HS3ST4: variants seen among roughly 807,000 people sequenced by gnomAD.
HS3ST4 encodes the protein heparan sulfate glucosamine 3-O-sulfotransferase 4.
In HS3ST4, 17 loss-of-function variants were observed where a neutral mutation model predicts 29.2. The observed-to-expected ratio is 0.58, with a 90% CI of 0.40 to 0.87. The LOEUF (loss-of-function observed/expected upper bound fraction) is 0.87. HS3ST4 is among the 40% of genes least tolerant of loss of function. HS3ST4 has a pLI of 0.00. For missense variants in HS3ST4, 627 were observed against 634.5 expected (o/e 0.99, Z 0.13); for synonymous variants, 314 against 285.7 (o/e 1.10, Z -1.00).
chr16:26,116,238 C>A (rs555516956), intron 1 of HS3ST4, among the ~76,000 whole-genome samples: 19 of 152,306 alleles, frequency 1.2e-4, no homozygotes, highest in African/African-American at 4.3e-4. Context: ...GTGAACCTCT[C>A]TATAGGGTGA....
intron 1 of HS3ST4, among the ~76,000 whole-genome samples, chr16:25,793,617 G>A (rs1015514675): frequency 2.3e-4 from 35 of 151,832 alleles, no homozygotes; most frequent in African/African-American, 8.2e-4. Flanking sequence ...TTTCTTCAGC[G>A]TTTGCAAGGT....
intron 1 of HS3ST4, among the ~76,000 whole-genome samples, chr16:26,017,447 G>A (rs900339002): frequency 7.9e-5 from 12 of 152,162 alleles, no homozygotes; most frequent in Non-Finnish European, 1.2e-4. Flanking sequence ...TTACATGAAA[G>A]CAATGAGCTA....
chr16:25,962,675 T>G (rs1185183537), intron 1 of HS3ST4, among the ~76,000 whole-genome samples: 1 of 152,168 alleles, frequency 6.6e-6, no homozygotes, highest in Non-Finnish European at 1.5e-5. Flanking sequence ...AGCCTTGAAG[T>G]CCAGCCTTGA....
intron 1 of HS3ST4, among the ~76,000 whole-genome samples, chr16:25,778,326 T>C (rs558115683): frequency 6.6e-6 from 1 of 152,238 alleles, no homozygotes; most frequent in African/African-American, 2.4e-5. Flanking sequence ...TTTGCAACAA[T>C]CCAGTGCCTC....
At chr16:26,063,660 C>T (rs1470792261) in intron 1 of HS3ST4, among the ~76,000 whole-genome samples, 1 of 152,102 alleles carries the variant, frequency 6.6e-6, no homozygotes, top group Non-Finnish European at 1.5e-5. Context: ...TGCACCACTG[C>T]ACTCCAGCCT....
At chr16:25,943,878 C>T (rs1048954282) in intron 1 of HS3ST4, among the ~76,000 whole-genome samples, 3 of 152,130 alleles carry the variant, frequency 2.0e-5, no homozygotes, top group Non-Finnish European at 4.4e-5. Context: ...TTATCCTTAT[C>T]TGCTTGGCAT....
intron 1 of HS3ST4, among the ~76,000 whole-genome samples, chr16:26,120,129 T>C (rs2141809612): frequency 6.6e-6 from 1 of 152,042 alleles, no homozygotes; most frequent in Non-Finnish European, 1.5e-5. Context: ...GGAATTAGCA[T>C]GCATGAATGC....
intron 1 of HS3ST4, among the ~76,000 whole-genome samples, chr16:26,042,918 T>A (rs1969648196): frequency 6.6e-6 from 1 of 152,218 alleles, no homozygotes; most frequent in Non-Finnish European, 1.5e-5. Context: ...CATTTTACAC[T>A]ATAAATCCCT....
chr16:25,709,551 C>T (rs1007008169), intron 1 of HS3ST4, among the ~76,000 whole-genome samples: 1 of 152,138 alleles, frequency 6.6e-6, no homozygotes, highest in Admixed American at 6.5e-5. Context: ...AGTGAGGTTC[C>T]ACCGGCTTGC....
chr16:26,089,185 C>T (rs2141788055), intron 1 of HS3ST4, among the ~76,000 whole-genome samples: 1 of 152,334 alleles, frequency 6.6e-6, no homozygotes, highest in Admixed American at 6.5e-5. Context: ...CAGAACCCCT[C>T]AGCACCTCAC....
At chr16:26,094,132 G>A (rs189881488) in intron 1 of HS3ST4, among the ~76,000 whole-genome samples, 114 of 152,284 alleles carry the variant, frequency 7.5e-4, no homozygotes, top group African/African-American at 2.6e-3. Flanking sequence ...CCAAATCTAC[G>A]TTTGATTGGT....
intron 1 of HS3ST4, among the ~76,000 whole-genome samples, chr16:25,899,504 AT>A (rs34366620): frequency 0.67 from 100,371 of 150,362 alleles, 33,837 homozygotes; most frequent in Non-Finnish European, 0.73. Flanking sequence ...TCCTTTTTAA[AT>A]TTTTTTTTTT....
At chr16:25,835,287 G>C (rs573414060) in intron 1 of HS3ST4, among the ~76,000 whole-genome samples, 1 of 152,254 alleles carries the variant, frequency 6.6e-6, no homozygotes, top group South Asian at 2.1e-4. Context: ...AACATCCCCT[G>C]CTAGAGGAAT....
chr16:25,879,085 C>G (rs914793771), intron 1 of HS3ST4, among the ~76,000 whole-genome samples: 3 of 152,192 alleles, frequency 2.0e-5, no homozygotes, highest in African/African-American at 7.2e-5. Flanking sequence ...AGGGTTAACT[C>G]TAACACACTG....
rs901411440 is a variant in HS3ST4 at position 25,701,708 on chromosome 16, C to T, written c.734+8557C>T. On this transcript the variant is annotated intron_variant, in intron 1 of 1. Coordinates refer to ENST00000331351, the MANE Select transcript of HS3ST4 (RefSeq NM_006040.3). ...TTATTCATTAAACATGTATTATCAA[C>T]CATGTGCTATGTGCTTGGCTGAAAC... 5.3e-5 allele frequency among the ~76,000 whole-genome samples: 8 copies of T among 152,278 alleles called. No individual in the cohort carries two copies. In the South Asian group the frequency reaches 1.7e-3, roughly 32 times the overall value.
chr16:25,740,988 G>A lies in HS3ST4; in HGVS notation c.734+47837G>A, dbSNP rs1966647971. 2.0e-5 allele frequency among the ~76,000 whole-genome samples: 3 copies of A among 152,118 alleles called. No homozygotes were observed. The South Asian group carries it at 6.2e-4, about 32-fold the overall frequency. On this transcript the variant is annotated intron_variant, in intron 1 of 1. Transcript: ENST00000331351. ...GGCCTAGCATAGATTTTTAGTTTCT[G>A]TCTAGCGTCTGCTACTATTACATTT...
chr16:25,777,698 A>G (rs1966848890), intron 1 of HS3ST4, among the ~76,000 whole-genome samples: 1 of 152,080 alleles, frequency 6.6e-6, no homozygotes, highest in Non-Finnish European at 1.5e-5. Flanking sequence ...AACCCAGGAG[A>G]CAGAAGTTGC....
At chr16:25,711,439 T>G (rs1966414656) in intron 1 of HS3ST4, among the ~76,000 whole-genome samples, 1 of 152,092 alleles carries the variant, frequency 6.6e-6, no homozygotes, top group Admixed American at 6.5e-5. Context: ...AAGCAGTGCT[T>G]CTCTGCTACC....
intron 1 of HS3ST4, among the ~76,000 whole-genome samples, chr16:25,737,373 A>C (rs76034187): frequency 1.3e-5 from 2 of 151,870 alleles, no homozygotes; most frequent in South Asian, 4.2e-4. Flanking sequence ...CCCACACACA[A>C]ACACACACAC....
Sources: gnomAD v4.1 joint callset for allele counts (sites outside exome capture counted in the v4.1 genomes callset) on GRCh38, gnomAD v4.1.1 for gene constraint, MANE v1.5 for transcripts, NCBI Gene and HGNC (gene_info 2026-07-23, HGNC 2026-07-21) for gene names.